Variants in PPHLN1 observed in about 807,000 individuals in gnomAD.
PPHLN1 encodes the protein periphilin-1.
A neutral mutation model predicts 51.3 loss-of-function variants in PPHLN1; 29 were observed. The ratio of observed to expected loss-of-function variants is 0.57; its 90% confidence interval spans 0.42 to 0.77. The LOEUF is 0.77. Ranked by LOEUF, PPHLN1 falls within the 30% of genes least tolerant of loss-of-function variation. The probability of loss-of-function intolerance (pLI) is 0.00; values close to 1 mark genes in which losing one functional copy is unlikely to be tolerated. For missense variants in PPHLN1, 436 were observed against 438.4 expected, an observed-to-expected ratio of 0.99 and a Z score of 0.05; for synonymous variants, 147 against 147.8, an observed-to-expected ratio of 0.99 and a Z score of 0.04.
intron 5 of PPHLN1, among the ~76,000 whole-genome samples, chr12:42,383,336 C>G (rs886668699): frequency 6.6e-6 from 1 of 152,196 alleles, no homozygotes; most frequent in African/African-American, 2.4e-5. Flanking sequence ...ATGCAATTCA[C>G]TCTCAGGAGC....
At chr12:42,367,673 T>C (rs933363668) in intron 4 of PPHLN1, among the ~76,000 whole-genome samples, 1 of 152,236 alleles carries the variant, frequency 6.6e-6, no homozygotes, top group Non-Finnish European at 1.5e-5. Flanking sequence ...TTTTTATTAG[T>C]GTGTTCATCT....
intron 4 of PPHLN1, 177 bp downstream of exon 4, chr12:42,355,399 G>T: frequency 1.9e-6 from 1 of 526,706 alleles, no homozygotes; most frequent in Non-Finnish European, 3.4e-6. Context: ...CTGATAACTA[G>T]TGTTCCACAT....
chr12:42,446,123 C>G (rs765867206), downstream of PPHLN1: 5 of 1,565,050 alleles, frequency 3.2e-6, no homozygotes, highest in Middle Eastern at 1.7e-4. Flanking sequence ...ACGGGTTCGT[C>G]GGACGACACA....
At chr12:42,378,088 TTCTCTTTCTTTCTTTCTTTCTTTC>T (rs2076431134) in intron 5 of PPHLN1, among the ~76,000 whole-genome samples, 1 of 121,598 alleles carries the variant, frequency 8.2e-6, no homozygotes, top group South Asian at 2.5e-4. Context: ...CTATCTATCT[TTCTCTTTCTTTCTTTCTTTCTTTC>T]TTTCTTTCTT....
At chr12:42,327,853 T>C (rs1442319441) in intron 1 of PPHLN1, among the ~76,000 whole-genome samples, 3 of 152,228 alleles carry the variant, frequency 2.0e-5, no homozygotes, top group Non-Finnish European at 4.4e-5. Flanking sequence ...TAATGAATAC[T>C]TCACCCTTAG....
At chr12:42,355,459 T>TGGTGC (rs2073926817) in intron 4 of PPHLN1, 1 of 386,070 alleles carries the variant, frequency 2.6e-6, no homozygotes, top group South Asian at 2.6e-5. Context: ...TATTTGGGCC[T>TGGTGC]GGTGCGGTGG....
intron 7 of PPHLN1, among the ~76,000 whole-genome samples, chr12:42,387,974 T>C (rs2077332579): frequency 1.3e-5 from 2 of 152,218 alleles, no homozygotes; most frequent in African/African-American, 4.8e-5. Flanking sequence ...GTCATCGCCA[T>C]TCTCTAGTCT....
intron 9 of PPHLN1, among the ~76,000 whole-genome samples, chr12:42,404,894 G>A (rs2079158919): frequency 6.6e-6 from 1 of 152,006 alleles, no homozygotes; most frequent in Non-Finnish European, 1.5e-5. Flanking sequence ...GGGCGTGGTG[G>A]CCCATGCCTG....
At chr12:42,388,373 A>G (rs1319854954) in intron 7 of PPHLN1, among the ~76,000 whole-genome samples, 3 of 152,144 alleles carry the variant, frequency 2.0e-5, no homozygotes, top group African/African-American at 2.4e-5. Flanking sequence ...GCGGAGAGAA[A>G]CATAAATCTG....
chr12:42,329,375 G>A (rs2069341039), intron 1 of PPHLN1, among the ~76,000 whole-genome samples: 1 of 152,122 alleles, frequency 6.6e-6, no homozygotes, highest in Admixed American at 6.5e-5. Flanking sequence ...AAAGTGCTGG[G>A]ATTACAAGCG....
chr12:42,374,766 T>C lies in PPHLN1; in HGVS notation c.300-97T>C, dbSNP rs375732714. On this transcript the variant is annotated intron_variant, in intron 4 of 9. Transcript: ENST00000358314. ...ACCGCACCCGGCCCCAAGAGTACAA[T>C]TTAAAGGGTAGCTTATAAGCAGAGC... 35 of 1,068,026 alleles carry C rather than the reference T, an allele frequency of 3.3e-5. No individual in the cohort carries two copies. In the East Asian group the frequency reaches 9.1e-4, roughly 28 times the overall value. The allele number at this position is 1,068,026 out of a possible 1,614,324, so 66.2% of individuals were successfully genotyped here. A position where few individuals can be genotyped will look rare whatever the true frequency, so the allele number is the denominator to read the frequency against.
chr12:42,417,957 T>G (rs1159630448), intron 9 of PPHLN1, among the ~76,000 whole-genome samples: 15 of 118,382 alleles, frequency 1.3e-4, no homozygotes, highest in Admixed American at 8.1e-4. Context: ...TTTTTTTTTT[T>G]GAGACAGAGT....
downstream of PPHLN1, chr12:42,445,002 A>G (rs2083229299): frequency 7.1e-6 from 5 of 700,170 alleles, no homozygotes; most frequent in African/African-American, 5.2e-5. Context: ...TGTTCAGCCC[A>G]TCAATATTGT....
chr12:42,409,858 C>G (rs2079647069), intron 9 of PPHLN1, among the ~76,000 whole-genome samples: 1 of 151,980 alleles, frequency 6.6e-6, no homozygotes, highest in Non-Finnish European at 1.5e-5. Flanking sequence ...TTGGGGGTCT[C>G]AATTATAATT....
At chr12:42,329,817 C>T (rs11181427) in intron 1 of PPHLN1, 43,681 of 151,974 alleles carry the variant, frequency 0.29, 7,602 homozygotes, top group Non-Finnish European at 0.38. Context: ...GGGTGTTTCT[C>T]GTCAGGTGGG....
At chr12:42,356,910 T>C (rs537516261) in intron 4 of PPHLN1, among the ~76,000 whole-genome samples, 88 of 152,312 alleles carry the variant, frequency 5.8e-4, no homozygotes, top group African/African-American at 2.0e-3. Context: ...AAAGATAATA[T>C]AATTATGCAG....
intron 9 of PPHLN1, among the ~76,000 whole-genome samples, chr12:42,435,582 C>G (rs184225427): frequency 1.4e-4 from 21 of 152,308 alleles, no homozygotes; most frequent in African/African-American, 4.8e-4. Flanking sequence ...AATGTGTTAT[C>G]GCTTTTTTCC....
intron 9 of PPHLN1, among the ~76,000 whole-genome samples, chr12:42,414,504 T>A (rs892264474): frequency 2.0e-5 from 3 of 151,972 alleles, no homozygotes; most frequent in African/African-American, 7.2e-5. Flanking sequence ...TTAAGGATAT[T>A]CCTAGGTATT....
At chr12:42,446,323 G>GTTACCCGTACCTTGA, downstream of PPHLN1, 1 of 1,544,866 alleles carries the variant, frequency 6.5e-7, no homozygotes, top group Non-Finnish European at 8.7e-7. Context: ...CACTTTGCCT[G>GTTACCCGTACCTTGA]TTACCCGTAC....
Sources: allele counts gnomAD v4.1 joint callset (sites outside exome capture counted in the v4.1 genomes callset), GRCh38; gene constraint gnomAD v4.1.1; transcripts MANE v1.5; gene names NCBI Gene and HGNC (gene_info 2026-07-23, HGNC 2026-07-21).